The following DLG2 variants were observed in gnomAD, a reference collection of about 807,000 sequenced individuals.
DLG2 encodes disks large homolog 2.
DLG2 carries 45 observed loss-of-function variants against 132.5 expected under a neutral mutation model. The observed-to-expected ratio is 0.34, with a 90% CI of 0.27 to 0.44. The LOEUF is 0.44. Ranked by LOEUF, DLG2 falls within the 20% of genes least tolerant of loss-of-function variation. The pLI is 1.00. For missense variants in DLG2, 1,045 were observed against 1,196.9 expected (o/e 0.87, Z 1.87); for synonymous variants, 424 against 419.6 (o/e 1.01, Z -0.13).
chr11:85,545,563 G>T (rs2076258819), intron 3 of DLG2, among the ~76,000 whole-genome samples: 1 of 152,144 alleles, frequency 6.6e-6, no homozygotes, highest in Admixed American at 6.6e-5. Flanking sequence ...AGAAGGAATG[G>T]TACCAGCTCC....
chr11:84,094,905 A>C (rs1041935740), intron 10 of DLG2, among the ~76,000 whole-genome samples: 1 of 152,236 alleles, frequency 6.6e-6, no homozygotes, highest in Non-Finnish European at 1.5e-5. Flanking sequence ...GTTTACATAA[A>C]AGAAAACTGT....
At chr11:84,711,419 AC>A (rs1270168513) in intron 6 of DLG2, among the ~76,000 whole-genome samples, 10 of 10,610 alleles carry the variant, frequency 9.4e-4, no homozygotes, top group Non-Finnish European at 2.1e-3. Flanking sequence ...CCCCTCCCCC[AC>A]CCCCCACACA....
chr11:83,973,185 G>A (rs2091644151), intron 12 of DLG2, among the ~76,000 whole-genome samples: 1 of 151,968 alleles, frequency 6.6e-6, no homozygotes. Flanking sequence ...TATTAGCATA[G>A]TAATATATAT....
intron 9 of DLG2, among the ~76,000 whole-genome samples, chr11:84,122,393 G>A (rs757906756): frequency 6.6e-6 from 1 of 152,136 alleles, no homozygotes; most frequent in Admixed American, 6.5e-5. Context: ...AGAACACCTG[G>A]GGAGAGGACA....
chr11:84,010,225 G>T (rs1286414651), intron 11 of DLG2, among the ~76,000 whole-genome samples: 1 of 151,926 alleles, frequency 6.6e-6, no homozygotes, highest in Non-Finnish European at 1.5e-5. Context: ...TTCTGAGAAT[G>T]ACATAAATGA....
At chr11:84,529,309 G>C (rs1285117510) in intron 7 of DLG2, among the ~76,000 whole-genome samples, 2 of 152,164 alleles carry the variant, frequency 1.3e-5, no homozygotes, top group African/African-American at 2.4e-5. Context: ...TCAGGCAAGA[G>C]AAAGAGGTAA....
At chr11:83,591,076 G>T (rs572642851) in intron 19 of DLG2, among the ~76,000 whole-genome samples, 1 of 152,132 alleles carries the variant, frequency 6.6e-6, no homozygotes, top group Non-Finnish European at 1.5e-5. Context: ...GGAGGAGCTG[G>T]TACCATTCCT....
chr11:85,606,358 G>A (rs181374605), intron 2 of DLG2, among the ~76,000 whole-genome samples: 17 of 152,244 alleles, frequency 1.1e-4, no homozygotes, highest in East Asian at 3.9e-4. Flanking sequence ...CTAAAGGATT[G>A]TAAATGCACC....
chr11:84,228,413 A>G (rs898889978), intron 8 of DLG2, among the ~76,000 whole-genome samples: 1 of 152,182 alleles, frequency 6.6e-6, no homozygotes, highest in Non-Finnish European at 1.5e-5. Flanking sequence ...GTTATTATCT[A>G]TCGGGAACAA....
chr11:84,590,775 T>C (rs987530126), intron 6 of DLG2, among the ~76,000 whole-genome samples: 2 of 152,108 alleles, frequency 1.3e-5, no homozygotes, highest in Non-Finnish European at 2.9e-5. Flanking sequence ...AATGCAGAAG[T>C]TCACCTCTCA....
chr11:85,580,013 G>A (rs557330897), intron 3 of DLG2, among the ~76,000 whole-genome samples: 2 of 152,234 alleles, frequency 1.3e-5, no homozygotes, highest in African/African-American at 4.8e-5. Flanking sequence ...ATTGAATCAT[G>A]GGGTTGGGTC....
chr11:84,093,850 A>C (rs2154173020), intron 10 of DLG2, among the ~76,000 whole-genome samples: 1 of 152,142 alleles, frequency 6.6e-6, no homozygotes, highest in South Asian at 2.1e-4. Context: ...CTTGATCTCA[A>C]GTTATCCACC....
chr11:83,518,606 T>A (rs1000945590), intron 21 of DLG2, among the ~76,000 whole-genome samples: 1 of 152,202 alleles, frequency 6.6e-6, no homozygotes, highest in Non-Finnish European at 1.5e-5. Context: ...AAGTGATTTG[T>A]CTTCTGTGTT....
intron 19 of DLG2, among the ~76,000 whole-genome samples, chr11:83,546,649 A>G (rs1053753129): frequency 6.6e-6 from 1 of 151,952 alleles, no homozygotes; most frequent in Non-Finnish European, 1.5e-5. Context: ...AACCAGGATT[A>G]AAGTATAGGT....
intron 7 of DLG2, among the ~76,000 whole-genome samples, chr11:84,463,469 T>C (rs779338813): frequency 4.2e-4 from 64 of 151,138 alleles, no homozygotes; most frequent in Non-Finnish European, 1.8e-4. Flanking sequence ...GCACTCCTAA[T>C]ACTCTTGTTG....
chr11:84,447,606 A>C (rs2099039130), intron 7 of DLG2, among the ~76,000 whole-genome samples: 3 of 152,112 alleles, frequency 2.0e-5, no homozygotes, highest in South Asian at 4.1e-4. Context: ...TTTCTGAGAC[A>C]AATAAATATC....
chr11:83,637,762 T>C (rs1470465489), intron 18 of DLG2, among the ~76,000 whole-genome samples: 1 of 152,166 alleles, frequency 6.6e-6, no homozygotes, highest in African/African-American at 2.4e-5. Flanking sequence ...ATGCTGGTCT[T>C]CCCTCTATCA....
chr11:85,124,790 C>A (rs1164609838), intron 5 of DLG2, among the ~76,000 whole-genome samples: 1 of 151,824 alleles, frequency 6.6e-6, no homozygotes, highest in African/African-American at 2.4e-5. Flanking sequence ...TTTTGTACAT[C>A]ATGAAAGATT....
intron 6 of DLG2, among the ~76,000 whole-genome samples, chr11:85,099,742 A>G (rs532979212): frequency 2.2e-3 from 342 of 152,320 alleles, no homozygotes; most frequent in African/African-American, 7.9e-3. Context: ...CCAAATTAAG[A>G]GCACTTGATG....
Sources: allele counts gnomAD v4.1 joint callset (sites outside exome capture counted in the v4.1 genomes callset), GRCh38; gene constraint gnomAD v4.1.1; transcripts MANE v1.5; gene names NCBI Gene and HGNC (gene_info 2026-07-23, HGNC 2026-07-21).